The following FILIP1L variants were observed in gnomAD, a reference collection of about 807,000 sequenced individuals.
FILIP1L encodes the protein filamin A interacting protein 1 like, also known as filamin A-interacting protein 1-like.
Under a neutral mutation model 96.6 loss-of-function variants are expected in FILIP1L, and 55 were observed. The ratio of observed to expected loss-of-function variants is 0.57; its 90% CI spans 0.46 to 0.71. The LOEUF (loss-of-function observed/expected upper bound fraction) is 0.71, where lower values mean the gene tolerates loss of function less well. Among genes scored for constraint, FILIP1L ranks in the 30% least tolerant of loss-of-function variants. The probability of loss-of-function intolerance (pLI) is 0.00; values close to 1 mark genes in which losing one functional copy is unlikely to be tolerated. For missense variants in FILIP1L, 1,304 were observed against 1,321.2 expected, an observed-to-expected ratio of 0.99 and a Z score of 0.20; for synonymous variants, 467 against 473.9, an observed-to-expected ratio of 0.99 and a Z score of 0.19.
intron 4 of FILIP1L, among the ~76,000 whole-genome samples, chr3:99,906,890 A>C (rs1335206119): frequency 1.3e-5 from 2 of 152,190 alleles, no homozygotes; most frequent in African/African-American, 4.8e-5. Context: ...GCCCTATAAC[A>C]GAGATATGGT....
At chr3:99,906,638 G>A (rs1576563277) in intron 4 of FILIP1L, among the ~76,000 whole-genome samples, 2 of 152,314 alleles carry the variant, frequency 1.3e-5, no homozygotes, top group East Asian at 3.9e-4. Context: ...GAAAGGTTAA[G>A]TGGTTTGCAC....
intron 4 of FILIP1L, among the ~76,000 whole-genome samples, chr3:99,864,641 A>G (rs1320645379): frequency 6.6e-6 from 1 of 151,992 alleles, no homozygotes; most frequent in Non-Finnish European, 1.5e-5. Context: ...GTTCATTCCC[A>G]TGCTTTCTGC....
At chr3:99,968,644 T>C (rs1171592856) in intron 1 of FILIP1L, among the ~76,000 whole-genome samples, 1 of 151,940 alleles carries the variant, frequency 6.6e-6, no homozygotes, top group Non-Finnish European at 1.5e-5. Flanking sequence ...AAGCCTTGAG[T>C]AATACAGACA....
At chr3:99,948,879 A>G (rs945599568) in intron 1 of FILIP1L, among the ~76,000 whole-genome samples, 1 of 152,170 alleles carries the variant, frequency 6.6e-6, no homozygotes, top group Non-Finnish European at 1.5e-5. Flanking sequence ...CCCTCTCAGC[A>G]GGACTTAGAG....
chr3:99,912,606 G>A (rs1706827692), intron 4 of FILIP1L, among the ~76,000 whole-genome samples: 2 of 152,090 alleles, frequency 1.3e-5, no homozygotes, highest in South Asian at 4.2e-4. Flanking sequence ...TCAAACTCCT[G>A]GGCTCAAGCA....
intron 1 of FILIP1L, among the ~76,000 whole-genome samples, chr3:99,963,850 T>G (rs1447565293): frequency 1.3e-5 from 2 of 152,130 alleles, no homozygotes; most frequent in Non-Finnish European, 2.9e-5. Flanking sequence ...ACTCCTCATC[T>G]TGTGATCTGC....
intron 1 of FILIP1L, among the ~76,000 whole-genome samples, chr3:100,062,765 T>G (rs1297079802): frequency 6.6e-6 from 1 of 152,204 alleles, no homozygotes; most frequent in African/African-American, 2.4e-5. Context: ...TGAAAAAGCT[T>G]TGTCCTGGTT....
intron 1 of FILIP1L, among the ~76,000 whole-genome samples, chr3:100,095,526 GTC>G (rs2066190303): frequency 6.6e-6 from 1 of 151,922 alleles, no homozygotes; most frequent in Admixed American, 6.6e-5. Flanking sequence ...AGAAAAGACA[GTC>G]TCTCCAATAA....
intron 4 of FILIP1L, among the ~76,000 whole-genome samples, chr3:99,886,565 G>A (rs191266373): frequency 1.3e-5 from 2 of 152,088 alleles, no homozygotes; most frequent in African/African-American, 4.8e-5. Flanking sequence ...CCAGATTTTG[G>A]GGGGGTAGAT....
chr3:99,883,481 G>A (rs1705795626), intron 4 of FILIP1L, among the ~76,000 whole-genome samples: 1 of 152,180 alleles, frequency 6.6e-6, no homozygotes, highest in African/African-American at 2.4e-5. Context: ...AGCATTATCA[G>A]AGTTATCCTC....
intron 1 of FILIP1L, among the ~76,000 whole-genome samples, chr3:100,063,421 G>C (rs2065608085): frequency 1.3e-5 from 2 of 151,864 alleles, no homozygotes; most frequent in South Asian, 4.2e-4. Context: ...TATTATTATA[G>C]TATTATTATC....
At chr3:100,051,663 A>C (rs146459399) in intron 1 of FILIP1L, among the ~76,000 whole-genome samples, 27 of 151,714 alleles carry the variant, frequency 1.8e-4, no homozygotes, top group African/African-American at 5.8e-4. Flanking sequence ...AGCTTCATCC[A>C]TGTCCCTACA....
intron 1 of FILIP1L, among the ~76,000 whole-genome samples, chr3:100,016,237 GGCTGGA>G (rs1710334791): frequency 6.6e-6 from 1 of 152,176 alleles, no homozygotes; most frequent in Admixed American, 6.5e-5. Flanking sequence ...TTGTTGCCCA[GGCTGGA>G]GTGCAATGGT....
intron 1 of FILIP1L, among the ~76,000 whole-genome samples, chr3:100,071,732 C>T (rs181411584): frequency 6.6e-6 from 1 of 152,226 alleles, no homozygotes; most frequent in East Asian, 1.9e-4. Context: ...ACTGCTCCTC[C>T]CCAAATGATC....
intron 4 of FILIP1L, among the ~76,000 whole-genome samples, chr3:99,890,886 C>T (rs1302339726): frequency 6.6e-6 from 1 of 151,972 alleles, no homozygotes; most frequent in Admixed American, 6.6e-5. Flanking sequence ...TATGAAGTCA[C>T]GTATCTCAGA....
intron 1 of FILIP1L, among the ~76,000 whole-genome samples, chr3:99,950,199 AT>A (rs1708134943): frequency 1.3e-5 from 2 of 152,192 alleles, no homozygotes; most frequent in African/African-American, 4.8e-5. Flanking sequence ...CCTTATCTAT[AT>A]TTTCTCTTGC....
chr3:99,917,877 A>C (rs945198524), intron 4 of FILIP1L, among the ~76,000 whole-genome samples: 1 of 152,230 alleles, frequency 6.6e-6, no homozygotes, highest in Non-Finnish European at 1.5e-5. Flanking sequence ...GGTAAAAGGT[A>C]CTTGTTCATG....
chr3:99,945,231 G>A (rs1024525343), intron 1 of FILIP1L, among the ~76,000 whole-genome samples: 3 of 152,124 alleles, frequency 2.0e-5, no homozygotes, highest in African/African-American at 7.2e-5. Flanking sequence ...TCTAAGAAGG[G>A]CCATCTCCAC....
rs538097196 is a variant in FILIP1L, at chr3:100,047,241, T to G, written c.-11+66812A>C. Among the ~76,000 whole-genome samples the G allele has an allele frequency of 2.0e-5, 3 of 152,366 alleles. No individual in the cohort carries two copies. In the East Asian group the frequency reaches 5.8e-4, roughly 29 times the overall value. ...ATCGGAGGGAAGTGTTGTTATTTTCTTCTTTTGAGAACAATATATCTTTAA... is the reference window on the plus strand; with the variant it reads ...ATCGGAGGGAAGTGTTGTTATTTTCGTCTTTTGAGAACAATATATCTTTAA... On this transcript the variant is annotated intron_variant, in intron 1 of 5. Coordinates refer to ENST00000477258, the MANE Select transcript of FILIP1L (RefSeq NM_001387850.1).
Sources: gnomAD v4.1 joint callset for allele counts (sites outside exome capture counted in the v4.1 genomes callset) on GRCh38, gnomAD v4.1.1 for gene constraint, MANE v1.5 for transcripts, NCBI Gene and HGNC (gene_info 2026-07-23, HGNC 2026-07-21) for gene names.